Variants in CEP83 observed in about 807,000 individuals in gnomAD.
CEP83 encodes centrosomal protein of 83 kDa.
A neutral mutation model predicts 101.9 loss-of-function variants in CEP83; 70 were observed. That is an observed-to-expected ratio of 0.69 (90% CI 0.57 to 0.84). The LOEUF (loss-of-function observed/expected upper bound fraction) is 0.84. Among genes scored for constraint, CEP83 ranks in the 40% least tolerant of loss-of-function variants. The probability of loss-of-function intolerance (pLI) is 0.00; values close to 1 mark genes in which losing one functional copy is unlikely to be tolerated. For missense variants in CEP83, 715 were observed against 787.2 expected (o/e 0.91, Z 1.10); for synonymous variants, 264 against 267.9 (o/e 0.99, Z 0.14).
chr12:94,452,390 A>G (rs1329263318), intron 1 of CEP83, among the ~76,000 whole-genome samples: 1 of 152,166 alleles, frequency 6.6e-6, no homozygotes, highest in Non-Finnish European at 1.5e-5. Context: ...GAAAGAAGTT[A>G]TCTCTTCCAA....
At chr12:94,359,368 A>ATTT (rs2060635800) in intron 11 of CEP83, among the ~76,000 whole-genome samples, 1 of 152,206 alleles carries the variant, frequency 6.6e-6, no homozygotes, top group Non-Finnish European at 1.5e-5. Context: ...TTTTGAAAAA[A>ATTT]CAAAATTGAC....
intron 16 of CEP83, 24 bp downstream of exon 16, chr12:94,309,894 T>TC (rs781049657): frequency 1.2e-5 from 17 of 1,366,898 alleles, no homozygotes; most frequent in African/African-American, 1.5e-5. Context: ...ACTTTTTTTT[T>TC]CCCCCTAAAA....
the CEP83 span, among the ~76,000 whole-genome samples, chr12:94,272,562 T>A: frequency 6.6e-6 from 1 of 152,172 alleles, no homozygotes; most frequent in African/African-American, 2.4e-5. Context: ...GCCATCCTAG[T>A]CACAAGATGG....
chr12:94,361,319 G>A (rs2060745725), intron 11 of CEP83: 1 of 152,124 alleles, frequency 6.6e-6, no homozygotes, highest in Admixed American at 6.5e-5. Context: ...ATGCTGTAGT[G>A]CGCTACTGCA....
At chr12:94,265,868 C>T in the CEP83 span, among the ~76,000 whole-genome samples, 1 of 152,090 alleles carries the variant, frequency 6.6e-6, no homozygotes, top group Admixed American at 6.6e-5. Flanking sequence ...CATGCTCTTC[C>T]TAAAGAAAGA....
intron 14 of CEP83, among the ~76,000 whole-genome samples, chr12:94,315,064 T>TA: frequency 6.6e-6 from 1 of 152,356 alleles, no homozygotes; most frequent in South Asian, 2.1e-4. Context: ...CGAACATTCC[T>TA]AAACATGTTT....
chr12:94,288,949 A>G, the CEP83 span, among the ~76,000 whole-genome samples: 1 of 152,242 alleles, frequency 6.6e-6, no homozygotes, highest in Non-Finnish European at 1.5e-5. Context: ...CACAATATTC[A>G]GAACATATTC....
intron 11 of CEP83, 99 bp from the exon 12 acceptor site, chr12:94,335,763 A>C (rs1172951539): frequency 2.6e-6 from 2 of 755,760 alleles, no homozygotes; most frequent in Non-Finnish European, 4.4e-6. Flanking sequence ...GTTTGACACC[A>C]GAGCACAAAC....
intron 11 of CEP83, among the ~76,000 whole-genome samples, chr12:94,346,423 G>C (rs970393503): frequency 1.3e-5 from 2 of 150,432 alleles, no homozygotes; most frequent in Non-Finnish European, 3.0e-5. Context: ...ACTCCAGCCT[G>C]GGTGACAGAG....
the CEP83 span, among the ~76,000 whole-genome samples, chr12:94,295,703 A>G: frequency 5.1e-4 from 78 of 152,296 alleles, 1 homozygote; most frequent in African/African-American, 1.8e-3. Context: ...CTAGGGAGCC[A>G]CAGAAGAAAG....
intron 11 of CEP83, among the ~76,000 whole-genome samples, chr12:94,365,323 A>C (rs978292667): frequency 1.3e-5 from 2 of 152,192 alleles, no homozygotes; most frequent in Non-Finnish European, 2.9e-5. Flanking sequence ...AAAGTGATAT[A>C]ATTCTCTTGG....
downstream of CEP83, chr12:94,305,734 T>A (rs1282985256): frequency 6.5e-6 from 1 of 153,412 alleles, no homozygotes; most frequent in African/African-American, 2.4e-5. Flanking sequence ...GTGGGGGTGT[T>A]AGGGCAACCT....
intron 4 of CEP83, among the ~76,000 whole-genome samples, chr12:94,409,818 C>G (rs768809592): frequency 6.6e-6 from 1 of 152,106 alleles, no homozygotes; most frequent in Non-Finnish European, 1.5e-5. Context: ...ACATAGTGCT[C>G]CTCTCTACCC....
chr12:94,279,867 G>T, the CEP83 span: 1 of 687,442 alleles, frequency 1.5e-6, no homozygotes, highest in Non-Finnish European at 2.7e-6. Flanking sequence ...CTTCAAAGAT[G>T]GCGTTTGTTG....
the CEP83 span, among the ~76,000 whole-genome samples, chr12:94,275,452 G>T: frequency 6.6e-5 from 10 of 152,154 alleles, no homozygotes; most frequent in Non-Finnish European, 1.5e-4. Context: ...CATGGCACAG[G>T]CATCTGCTCC....
intron 8 of CEP83, among the ~76,000 whole-genome samples, chr12:94,370,421 T>C (rs1210003247): frequency 6.6e-6 from 1 of 152,234 alleles, no homozygotes; most frequent in Non-Finnish European, 1.5e-5. Context: ...TCATCCAGGC[T>C]GGAGTGCAGT....
rs1178610036 is a variant in CEP83, at chr12:94,310,067, T to C, written c.1852A>G (p.Arg618Gly). Residue 618 changes from arginine (R) to glycine (G), a missense_variant, in exon 16 of 17, where the codon AGA (arginine) becomes GGA (glycine). Coordinates refer to ENST00000397809, the MANE Select transcript of CEP83 (RefSeq NM_016122.3). ...PFEDYTRLQK[R>G]LKDIQRRHNE... is the part of the protein sequence containing the mutation. ...TGTCTTCTCTGTATATCTTTTAGTCTTTTTTGAAGCCTTGTATAGTCTTCA... is the reference window on the plus strand; with the variant it reads ...TGTCTTCTCTGTATATCTTTTAGTCCTTTTTGAAGCCTTGTATAGTCTTCA... The C allele has an allele frequency of 5.6e-6, 9 of 1,601,916 alleles. No individual in the cohort carries two copies. The highest frequency in any genetic ancestry group is 7.7e-6 in the Non-Finnish European group (9 of 1,170,326).
the CEP83 span, among the ~76,000 whole-genome samples, chr12:94,268,588 C>CTTTTTTTTTTTTTTTT: frequency 1.4e-3 from 125 of 90,870 alleles, 4 homozygotes; most frequent in East Asian, 3.6e-3. Flanking sequence ...AGAATAAGAC[C>CTTTTTTTTTTTTTTTT]TTTTTTTTTT....
At chr12:94,444,749 G>C (rs1229512155) in intron 1 of CEP83, among the ~76,000 whole-genome samples, 1 of 151,936 alleles carries the variant, frequency 6.6e-6, no homozygotes, top group Non-Finnish European at 1.5e-5. Context: ...CGTAATCTCA[G>C]CATTTTGGGA....
Sources: allele counts gnomAD v4.1 joint callset (sites outside exome capture counted in the v4.1 genomes callset), GRCh38; gene constraint gnomAD v4.1.1; transcripts MANE v1.5; gene names NCBI Gene and HGNC (gene_info 2026-07-23, HGNC 2026-07-21).